The following IRAG1 variants were observed in gnomAD, a reference collection of about 807,000 sequenced individuals.
The protein encoded by IRAG1 is inositol 1,4,5-triphosphate receptor associated 1, also known as IP3R-associated cGMP kinase substrate.
IRAG1 carries 62 observed loss-of-function variants against 106.2 expected under a neutral mutation model. The observed-to-expected ratio is 0.58, with a 90% confidence interval of 0.48 to 0.72. The LOEUF (loss-of-function observed/expected upper bound fraction) is 0.72. Among genes scored for constraint, IRAG1 ranks in the 30% least tolerant of loss-of-function variants. The pLI is 0.00. For synonymous variants in IRAG1, 462 were observed against 443.9 expected, an observed-to-expected ratio of 1.04 and a Z score of -0.51; for missense variants, 1,064 against 1,140.7, an observed-to-expected ratio of 0.93 and a Z score of 0.97.
intron 10 of IRAG1, among the ~76,000 whole-genome samples, chr11:10,611,853 T>C (rs1327431759): frequency 6.6e-6 from 1 of 152,092 alleles, no homozygotes; most frequent in Non-Finnish European, 1.5e-5. Flanking sequence ...TTCAGAAAGT[T>C]TCCCTAGAAT....
At chr11:10,587,636 A>G (rs750235816) in intron 18 of IRAG1, among the ~76,000 whole-genome samples, 28 of 152,310 alleles carry the variant, frequency 1.8e-4, no homozygotes, top group Non-Finnish European at 3.5e-4. Flanking sequence ...TCTGTGATAC[A>G]TTAACATAAT....
At chr11:10,598,847 T>C (rs1031666697) in intron 15 of IRAG1, among the ~76,000 whole-genome samples, 1 of 152,238 alleles carries the variant, frequency 6.6e-6, no homozygotes, top group Admixed American at 6.5e-5. Context: ...TTTTAAAAAA[T>C]GTATATCACC....
At chr11:10,620,118 A>G (rs1164419399) in intron 10 of IRAG1, among the ~76,000 whole-genome samples, 1 of 152,210 alleles carries the variant, frequency 6.6e-6, no homozygotes. Flanking sequence ...AGCCCATGGA[A>G]AAAACAGATT....
At chr11:10,686,200 G>C (rs1259074261) in intron 1 of IRAG1, among the ~76,000 whole-genome samples, 1 of 152,124 alleles carries the variant, frequency 6.6e-6, no homozygotes, top group African/African-American at 2.4e-5. Context: ...AAGTACTTTA[G>C]ATCTAGCAAT....
Position 10,659,685 on chromosome 11 carries a change from C to A in IRAG1, c.68-7503G>T, listed in dbSNP as rs1859242712. On this transcript the variant is annotated intron_variant, in intron 1 of 20. Coordinates refer to ENST00000423302, the MANE Select transcript of IRAG1 (RefSeq NM_130385.4). The surrounding 1 kb of genome is among the most constrained non-coding windows in gnomAD (Gnocchi z 4.1). Reference sequence around the variant, plus strand: ...CTAAACATCTCCCCAGGTTTCCTTTCCAGCTTGTTCACTTCAGGAATTCTT... The same window carrying A: ...CTAAACATCTCCCCAGGTTTCCTTTACAGCTTGTTCACTTCAGGAATTCTT... Among the ~76,000 whole-genome samples the A allele has an allele frequency of 6.6e-6, 1 of 152,122 alleles. No homozygotes were observed. The highest frequency in any genetic ancestry group is 1.9e-4 in the East Asian group (1 of 5,188).
At chr11:10,681,744 CACCAGGG>C (rs1436924019) in intron 1 of IRAG1, among the ~76,000 whole-genome samples, 2 of 152,178 alleles carry the variant, frequency 1.3e-5, no homozygotes, top group East Asian at 3.8e-4. Context: ...TAGGAAGTGG[CACCAGGG>C]ACGGATGCTG....
chr11:10,610,959 G>C (rs766918448), intron 10 of IRAG1, among the ~76,000 whole-genome samples: 6 of 152,140 alleles, frequency 3.9e-5, no homozygotes, highest in Non-Finnish European at 2.9e-5. Flanking sequence ...CATTTTCCAG[G>C]ATCCTAGGCT....
intron 14 of IRAG1, 73 bp downstream of exon 14, chr11:10,603,044 TGCC>T: frequency 1.3e-6 from 2 of 1,506,606 alleles, no homozygotes; most frequent in Non-Finnish European, 1.8e-6. Flanking sequence ...TATCTGTAGT[TGCC>T]GCTGCTTGGG....
At chr11:10,648,189 C>A (rs191410590) in intron 2 of IRAG1, among the ~76,000 whole-genome samples, 1 of 152,306 alleles carries the variant, frequency 6.6e-6, no homozygotes, top group East Asian at 1.9e-4. Flanking sequence ...CACGGCGAAA[C>A]CCCATATCTA....
chr11:10,623,762 C>A lies in IRAG1; in HGVS notation c.1447+16G>T, dbSNP rs761297177. ...TCAGCACTCGCTGAGACAGCATCTG[C>A]CCCAACCCCACCTACCTTTTTCCTG... On this transcript the variant is annotated intron_variant, in intron 10 of 20. Coordinates refer to ENST00000423302, the MANE Select transcript of IRAG1 (RefSeq NM_130385.4). 1 of 1,613,038 alleles carries A rather than the reference C, an allele frequency of 6.2e-7. No individual in the cohort carries two copies. Among genetic ancestry groups the A allele is most frequent in the Non-Finnish European group, 8.5e-7 (1 of 1,179,208 alleles).
intron 3 of IRAG1, 69 bp from the exon 4 acceptor site, chr11:10,632,130 T>A: frequency 2.0e-6 from 2 of 987,150 alleles, no homozygotes; most frequent in Non-Finnish European, 3.2e-6. Context: ...AAAAGATGCC[T>A]GTATATTCTT....
intron 1 of IRAG1, among the ~76,000 whole-genome samples, chr11:10,654,849 GC>G (rs1361917705): frequency 3.3e-5 from 5 of 152,222 alleles, no homozygotes; most frequent in African/African-American, 4.8e-5. Context: ...ATGGGGAGAA[GC>G]CACATTGGAC....
At chr11:10,594,745 T>A (rs1427159923) in intron 15 of IRAG1, among the ~76,000 whole-genome samples, 8 of 152,208 alleles carry the variant, frequency 5.3e-5, no homozygotes, top group African/African-American at 1.7e-4. Flanking sequence ...TTTAGCTTCA[T>A]ACCTGGATAA....
chr11:10,673,571 A>G (rs1860421862), intron 1 of IRAG1, among the ~76,000 whole-genome samples: 1 of 152,144 alleles, frequency 6.6e-6, no homozygotes, highest in African/African-American at 2.4e-5. Flanking sequence ...GGAATTAGTT[A>G]GCCATGATGG....
In IRAG1 at chr11:10,628,607, AG is replaced by A; in HGVS notation, c.652+143del. ...GGCCCAGCAAATGCCCCCCCTGGAG[AG>A]GGGTCTTGCTCTGGGTGTGAAGGGG... is the stretch of plus-strand genomic sequence containing the variant. On this transcript the variant is annotated intron_variant, in intron 6 of 20. Transcript: ENST00000423302. This position sits in a 1 kb window ranked among gnomAD's most constrained non-coding sequence, Gnocchi z 4.1. 1.5e-6 allele frequency: 1 copy of A among 665,632 alleles called. No individual in the cohort carries two copies. Among genetic ancestry groups the A allele is most frequent in the Non-Finnish European group, 2.4e-6 (1 of 411,614 alleles). 41.2% of individuals were successfully genotyped at this position (665,632 alleles called of 1,614,324 possible).
chr11:10,691,033 G>C (rs1409113064), intron 1 of IRAG1, among the ~76,000 whole-genome samples: 1 of 152,252 alleles, frequency 6.6e-6, no homozygotes, highest in East Asian at 1.9e-4. Context: ...AAGCCCCAGA[G>C]AGAGCGGCTG....
intron 20 of IRAG1, among the ~76,000 whole-genome samples, chr11:10,577,950 C>T (rs754774365): frequency 3.9e-5 from 6 of 152,234 alleles, no homozygotes; most frequent in Non-Finnish European, 7.3e-5. Flanking sequence ...TATTTTCTCT[C>T]AGCCCTTTGT....
rs1373028195 is a variant in IRAG1 at position 10,628,825 on chromosome 11, A to G, written c.578T>C (p.Val193Ala). The change falls in exon 6 of 21, where the codon GTT becomes GCT. Residue 193 changes from valine to alanine, a missense_variant. Transcript: ENST00000423302. The surrounding 1 kb of genome is among the most constrained non-coding windows in gnomAD (Gnocchi z 4.1). Reference sequence around the variant, plus strand: ...AGCGCTGGGGCTGAGGTTCGGGGAAACAGCTGTGAAGACAGACACAAATTG... The same window carrying G: ...AGCGCTGGGGCTGAGGTTCGGGGAAGCAGCTGTGAAGACAGACACAAATTG... Reference protein sequence around the residue: ...RSSPGDSPSAVSPNLSPSASP... With the variant: ...RSSPGDSPSAASPNLSPSASP... 6 of 1,577,618 alleles carry G rather than the reference A, an allele frequency of 3.8e-6. No individual in the cohort carries two copies. The highest frequency in any genetic ancestry group is 2.7e-5 in the African/African-American group (2 of 73,604).
intron 1 of IRAG1, among the ~76,000 whole-genome samples, chr11:10,654,339 T>A (rs142328420): frequency 2.2e-4 from 34 of 152,330 alleles, no homozygotes; most frequent in African/African-American, 8.2e-4. Context: ...CAAAGAATGA[T>A]TGTTGATTTA....
Sources: gnomAD v4.1 joint callset for allele counts (sites outside exome capture counted in the v4.1 genomes callset) on GRCh38, gnomAD v4.1.1 for gene constraint, Gnocchi (gnomAD v3.1) non-coding constraint, MANE v1.5 for transcripts, NCBI Gene and HGNC (gene_info 2026-07-23, HGNC 2026-07-21) for gene names.